Variants in PDGFC observed in about 807,000 individuals in gnomAD.
The protein encoded by PDGFC is platelet derived growth factor C.
In PDGFC, 12 loss-of-function variants were observed where a neutral mutation model predicts 35.5. The ratio of observed to expected loss-of-function variants is 0.34; its 90% CI spans 0.22 to 0.55. The LOEUF is 0.55. Among genes scored for constraint, PDGFC ranks in the 20% least tolerant of loss-of-function variants. PDGFC has a pLI of 0.91. For missense variants in PDGFC, 322 were observed against 412.4 expected (o/e 0.78, Z 1.90); for synonymous variants, 159 against 148.8 (o/e 1.07, Z -0.50).
In PDGFC at chr4:156,850,416, C is replaced by G. The variant is rs750380935; in HGVS notation, c.119G>C (p.Gly40Ala). 6.4e-7 allele frequency: 1 copy of G among 1,553,234 alleles called. No individual in the cohort carries two copies. Among genetic ancestry groups the G allele is most frequent in the Non-Finnish European group, 8.7e-7 (1 of 1,144,626 alleles). ...TCTCTCATGCTGAGGATCTTGTACT[C>G]CTAAAGCAAAAAACATAGACATAGA... ...FQFSSNKEQN[G>A]VQDPQHERII... The change falls in exon 2 of 6, where the codon GGA becomes GCA. Residue 40 changes from glycine (G) to alanine (A), a missense_variant and splice_region_variant. Gly to Ala is a moderately conservative substitution (Grantham distance 60). Transcript: ENST00000502773.
At chr4:156,809,308 A>T (rs1731864728) in intron 3 of PDGFC, among the ~76,000 whole-genome samples, 1 of 152,038 alleles carries the variant, frequency 6.6e-6, no homozygotes, top group African/African-American at 2.4e-5. Context: ...AGTCTCCCAG[A>T]TGTGGTGTCT....
chr4:156,827,090 C>T lies in PDGFC; in HGVS notation c.315-16073G>A, dbSNP rs1370636746. Among the ~76,000 whole-genome samples, 4 of 152,072 alleles carry T rather than the reference C, an allele frequency of 2.6e-5. No individual in the cohort carries two copies. In the East Asian group the frequency reaches 5.8e-4, roughly 22 times the overall value. On this transcript the variant is annotated intron_variant, in intron 2 of 5. Transcript: ENST00000502773. The stretch of plus-strand genomic sequence containing the variant: ...GAAGCTTAAGAAAAATTCTGTTCAT[C>T]CAAGATAATTCATTATTCAAAATTT...
chr4:156,881,136 AACTGCC>A (rs950508706), intron 1 of PDGFC, among the ~76,000 whole-genome samples: 16 of 152,172 alleles, frequency 1.1e-4, no homozygotes, highest in African/African-American at 2.9e-4. Context: ...TCGTTTAGGA[AACTGCC>A]ACAGCCGCCC....
At chr4:156,948,983 C>T (rs911850863) in intron 1 of PDGFC, among the ~76,000 whole-genome samples, 1 of 151,802 alleles carries the variant, frequency 6.6e-6, no homozygotes, top group Non-Finnish European at 1.5e-5. Context: ...GTGTGAAATT[C>T]ACCGAGGTCC....
intron 1 of PDGFC, among the ~76,000 whole-genome samples, chr4:156,894,710 G>A (rs1304475654): frequency 6.6e-6 from 1 of 151,968 alleles, no homozygotes; most frequent in Non-Finnish European, 1.5e-5. Flanking sequence ...CACTGCATAG[G>A]AAATTGAAAG....
At chr4:156,935,131 G>T (rs905439939) in intron 1 of PDGFC, among the ~76,000 whole-genome samples, 1 of 152,088 alleles carries the variant, frequency 6.6e-6, no homozygotes, top group Non-Finnish European at 1.5e-5. Context: ...CCGAGTGGCT[G>T]GGACTACAGG....
intron 1 of PDGFC, among the ~76,000 whole-genome samples, chr4:156,880,853 G>A (rs773988057): frequency 7.4e-6 from 1 of 135,304 alleles, no homozygotes; most frequent in Non-Finnish European, 1.5e-5. Context: ...GGAGTTGTGA[G>A]GAGTTGTTTT....
chr4:156,828,395 A>G (rs1728839222), intron 2 of PDGFC, among the ~76,000 whole-genome samples: 1 of 152,218 alleles, frequency 6.6e-6, no homozygotes, highest in African/African-American at 2.4e-5. Flanking sequence ...GAGATCCGGC[A>G]TCAAGACCGT....
At chr4:156,811,039 G>A in intron 2 of PDGFC, 22 bp from the exon 3 acceptor site, 1 of 1,490,372 alleles carries the variant, frequency 6.7e-7, no homozygotes. Context: ...CAAAGGGAAA[G>A]AGACATCATT....
At chr4:156,826,285 C>T (rs577080642) in intron 2 of PDGFC, among the ~76,000 whole-genome samples, 115 of 129,040 alleles carry the variant, frequency 8.9e-4, no homozygotes, top group African/African-American at 3.1e-3. Flanking sequence ...CTCTGCCTCC[C>T]GGGTTCAAGC....
At chr4:156,930,760 C>T (rs1731531579) in intron 1 of PDGFC, among the ~76,000 whole-genome samples, 2 of 152,088 alleles carry the variant, frequency 1.3e-5, no homozygotes, top group East Asian at 1.9e-4. Flanking sequence ...CCCAGCTACT[C>T]GGGAGGCTGA....
intron 2 of PDGFC, among the ~76,000 whole-genome samples, chr4:156,822,176 G>A (rs917367393): frequency 2.0e-5 from 3 of 151,884 alleles, no homozygotes; most frequent in Non-Finnish European, 2.9e-5. Flanking sequence ...TGGCTAACAC[G>A]GTGAAACCCC....
At chr4:156,926,331 A>G (rs1457405790) in intron 1 of PDGFC, among the ~76,000 whole-genome samples, 1 of 152,148 alleles carries the variant, frequency 6.6e-6, no homozygotes, top group African/African-American at 2.4e-5. Flanking sequence ...AGGAAAAAAG[A>G]GATTATTTTC....
intron 2 of PDGFC, among the ~76,000 whole-genome samples, chr4:156,838,055 A>G (rs1440162668): frequency 2.0e-5 from 3 of 152,136 alleles, no homozygotes; most frequent in Non-Finnish European, 4.4e-5. Context: ...TGGGCTAACT[A>G]CATTCAAAAG....
At chr4:156,861,427 A>G (rs1382229770) in intron 1 of PDGFC, 1 of 1,195,016 alleles carries the variant, frequency 8.4e-7, no homozygotes, top group Admixed American at 2.4e-5. Flanking sequence ...CGTTTTGCTT[A>G]CCTTTTAAAT....
At chr4:156,813,699 TA>T (rs1376498379) in intron 2 of PDGFC, among the ~76,000 whole-genome samples, 1 of 152,150 alleles carries the variant, frequency 6.6e-6, no homozygotes, top group African/African-American at 2.4e-5. Flanking sequence ...TATTGCATGG[TA>T]ATAAGACATT....
At chr4:156,865,186 G>GCA (rs34323245) in intron 1 of PDGFC, among the ~76,000 whole-genome samples, 35,017 of 146,584 alleles carry the variant, frequency 0.24, 4,725 homozygotes, top group South Asian at 0.47. Flanking sequence ...AGATACATGT[G>GCA]CACACACACA....
chr4:156,908,280 A>C (rs1052865446), intron 1 of PDGFC, among the ~76,000 whole-genome samples: 1 of 152,194 alleles, frequency 6.6e-6, no homozygotes, highest in African/African-American at 2.4e-5. Flanking sequence ...GAGATTTATG[A>C]TGCATTATCA....
chr4:156,771,177 C>A (rs1339795511), intron 4 of PDGFC, among the ~76,000 whole-genome samples: 1 of 152,150 alleles, frequency 6.6e-6, no homozygotes, highest in Non-Finnish European at 1.5e-5. Context: ...CTTTTGAATG[C>A]AGGCTAGCCT....
Sources: allele counts gnomAD v4.1 joint callset (sites outside exome capture counted in the v4.1 genomes callset), GRCh38; gene constraint gnomAD v4.1.1; transcripts MANE v1.5; gene names NCBI Gene and HGNC (gene_info 2026-07-23, HGNC 2026-07-21).